ARSB: variants seen among roughly 807,000 people sequenced by gnomAD.
ARSB encodes the protein arylsulfatase B.
ARSB carries 41 observed loss-of-function variants against 50.9 expected under a neutral mutation model. That is an observed-to-expected ratio of 0.81 (90% CI 0.63 to 1.04). The LOEUF is 1.04. Ranked by LOEUF, ARSB falls within the 50% of genes least tolerant of loss-of-function variation. The pLI is 0.00. For synonymous variants in ARSB, 269 were observed against 284.8 expected (o/e 0.94, Z 0.56); for missense variants, 672 against 693.3 (o/e 0.97, Z 0.35).
At chr5:78,833,656 C>G (rs1009379602) in intron 6 of ARSB, among the ~76,000 whole-genome samples, 1 of 152,154 alleles carries the variant, frequency 6.6e-6, no homozygotes, top group East Asian at 1.9e-4. Flanking sequence ...AAAACAGGAG[C>G]AGAACCGAAC....
intron 6 of ARSB, among the ~76,000 whole-genome samples, chr5:78,821,754 C>A (rs1036053307): frequency 1.5e-4 from 23 of 152,314 alleles, no homozygotes; most frequent in Non-Finnish European, 2.1e-4. Flanking sequence ...ATGACTTTCC[C>A]ACTAGAATTA....
chr5:78,871,270 C>G (rs545427153), intron 5 of ARSB, among the ~76,000 whole-genome samples: 3 of 152,096 alleles, frequency 2.0e-5, no homozygotes, highest in East Asian at 3.8e-4. Flanking sequence ...AATGCCAACC[C>G]CATCAAGCTA....
upstream of ARSB, chr5:78,985,528 TC>T (rs1258106012): frequency 8.0e-6 from 2 of 250,616 alleles, no homozygotes; most frequent in East Asian, 8.1e-5. Context: ...CCCGTTATCT[TC>T]CCCGGCAATT....
At chr5:78,879,979 TA>T (rs10713151) in intron 5 of ARSB, among the ~76,000 whole-genome samples, 130,103 of 149,430 alleles carry the variant, frequency 0.87, 58,915 homozygotes, top group East Asian at 1. Flanking sequence ...TACTTTTAAA[TA>T]AAAAAAAAAA....
intron 6 of ARSB, chr5:78,815,758 G>T: frequency 3.4e-6 from 4 of 1,186,934 alleles, no homozygotes; most frequent in South Asian, 2.2e-5. Flanking sequence ...TGAATAAAGG[G>T]AAAGGAATTT....
At chr5:78,890,965 C>A in intron 4 of ARSB, among the ~76,000 whole-genome samples, 1 of 152,110 alleles carries the variant, frequency 6.6e-6, no homozygotes, top group East Asian at 1.9e-4. Flanking sequence ...TTTATGTGCA[C>A]ATTTTCTACT....
intron 5 of ARSB, among the ~76,000 whole-genome samples, chr5:78,850,839 A>G (rs1157669931): frequency 2.0e-5 from 3 of 152,174 alleles, no homozygotes; most frequent in Middle Eastern, 3.4e-3. Flanking sequence ...TTTCTAGTTT[A>G]TTTGCATAGA....
At chr5:78,892,245 ATTCTTT>A (rs1413326534) in intron 4 of ARSB, among the ~76,000 whole-genome samples, 5 of 120,786 alleles carry the variant, frequency 4.1e-5, no homozygotes, top group African/African-American at 1.8e-4. Context: ...TGCATTCTCT[ATTCTTT>A]TTTTTTTTTT....
Position 78,983,596 on chromosome 5 carries a change from T to C in ARSB, c.312+1341A>G, listed in dbSNP as rs537816598. 2.0e-5 allele frequency among the ~76,000 whole-genome samples: 3 copies of C among 152,284 alleles called. No homozygotes were observed. The South Asian group carries it at 6.2e-4, about 32-fold the overall frequency. Reference sequence around the variant, plus strand: ...TTTACACAATGTAGGGGATTCCTAATTACACGTAGCAGCCAAGGTCAGAAC... The same window carrying C: ...TTTACACAATGTAGGGGATTCCTAACTACACGTAGCAGCCAAGGTCAGAAC... On this transcript the variant is annotated intron_variant, in intron 1 of 7. Transcript: ENST00000264914.
intron 1 of ARSB, among the ~76,000 whole-genome samples, chr5:78,979,919 T>C (rs1752828093): frequency 6.6e-6 from 1 of 152,214 alleles, no homozygotes. Context: ...TTGATGAATG[T>C]ATGAACAAAA....
chr5:78,793,547 C>A (rs1264434148), intron 6 of ARSB, among the ~76,000 whole-genome samples: 2 of 152,216 alleles, frequency 1.3e-5, no homozygotes, highest in African/African-American at 2.4e-5. Context: ...GTCTTCCCAA[C>A]TGCTCGGGAA....
chr5:78,834,531 G>A (rs1744846128), intron 6 of ARSB, among the ~76,000 whole-genome samples: 1 of 145,764 alleles, frequency 6.9e-6, no homozygotes, highest in African/African-American at 2.5e-5. Flanking sequence ...TGTCTTTAAG[G>A]TTCATCCATG....
Position 78,955,467 on chromosome 5 carries a change from A to C in ARSB, c.726T>G (p.His242Gln). The stretch of plus-strand genomic sequence containing the variant: ...ATTCCTCAGGGACCTGAAGGGGCTC[A>C]TGCACAGACTGGAGAGCAAGGTAGA... ...LFLYLALQSV[H>Q]EPLQVPEEYL... The change falls in exon 4 of 8, where the codon CAT becomes CAG. Residue 242 changes from histidine (H) to glutamine (Q), a missense_variant. Physicochemically the swap from His to Gln is conservative, Grantham distance 24. Transcript: ENST00000264914. 3 of 1,614,196 alleles carry C rather than the reference A, an allele frequency of 1.9e-6. No individual in the cohort carries two copies. The highest frequency in any genetic ancestry group is 2.5e-6 in the Non-Finnish European group (3 of 1,180,010).
intron 3 of ARSB, among the ~76,000 whole-genome samples, chr5:78,963,699 T>G (rs1319368383): frequency 6.6e-6 from 1 of 152,124 alleles, no homozygotes; most frequent in African/African-American, 2.4e-5. Flanking sequence ...AAAGCATCAG[T>G]ATAGTAAATG....
At chr5:78,887,543 T>G (rs561122931) in intron 4 of ARSB, among the ~76,000 whole-genome samples, 1 of 152,318 alleles carries the variant, frequency 6.6e-6, no homozygotes, top group Non-Finnish European at 1.5e-5. Flanking sequence ...ATGATGGAAA[T>G]GAAGTGACAT....
intron 4 of ARSB, among the ~76,000 whole-genome samples, chr5:78,928,994 C>T (rs190756157): frequency 1.3e-5 from 2 of 152,254 alleles, no homozygotes; most frequent in East Asian, 1.9e-4. Context: ...ATGCCCAAAA[C>T]GTCCTGCTCT....
chr5:78,967,986 C>T (rs987637722), intron 2 of ARSB, among the ~76,000 whole-genome samples: 1 of 152,120 alleles, frequency 6.6e-6, no homozygotes, highest in Non-Finnish European at 1.5e-5. Flanking sequence ...AATTCAGGCA[C>T]AGGTTATTAC....
chr5:78,780,272 G>C lies in ARSB; in HGVS notation c.*125C>G. ...TTAGGGGTTGAAATTAGACACCTCG[G>C]TGTGGTTTAAGAGCAAGAGAAGGGC... On this transcript the variant is annotated 3_prime_UTR_variant, in exon 8 of 8. Coordinates refer to ENST00000264914, the MANE Select transcript of ARSB (RefSeq NM_000046.5). 1 of 1,309,304 alleles carries C rather than the reference G, an allele frequency of 7.6e-7. No individual in the cohort carries two copies. Among genetic ancestry groups the C allele is most frequent in the East Asian group, 2.3e-5 (1 of 42,806 alleles). The allele number at this position is 1,309,304 out of a possible 1,614,324, so 81.1% of individuals were successfully genotyped here.
chr5:78,885,953 T>A, intron 4 of ARSB, 126 bp from the exon 5 acceptor site: 2 of 1,462,242 alleles, frequency 1.4e-6, no homozygotes, highest in Non-Finnish European at 1.9e-6. Context: ...ATTCCTTGCC[T>A]TTTCCCACCC....
Sources: gnomAD v4.1 joint callset for allele counts (sites outside exome capture counted in the v4.1 genomes callset) on GRCh38, gnomAD v4.1.1 for gene constraint, MANE v1.5 for transcripts, NCBI Gene and HGNC (gene_info 2026-07-23, HGNC 2026-07-21) for gene names.